The following CCDC7 variants were observed in gnomAD, a reference collection of about 807,000 sequenced individuals.
CCDC7 encodes coiled-coil domain containing 7.
In CCDC7, 183 loss-of-function variants were observed where a neutral mutation model predicts 196.9. The ratio of observed to expected loss-of-function variants is 0.93; its 90% CI spans 0.82 to 1.05. The LOEUF (loss-of-function observed/expected upper bound fraction) is 1.05. CCDC7 is among the 50% of genes least tolerant of loss of function. The pLI, the probability that CCDC7 is intolerant of heterozygous loss-of-function variation, is 0.00. For missense variants in CCDC7, 1,540 were observed against 1,482.2 expected (o/e 1.04, Z -0.64); for synonymous variants, 525 against 484.6 (o/e 1.08, Z -1.10).
In CCDC7 at chr10:32,563,933, A is replaced by T. The variant is rs572850936; in HGVS notation, c.1135-1625A>T. On this transcript the variant is annotated intron_variant, in intron 13 of 41. Coordinates refer to ENST00000639629, the Ensembl canonical transcript of CCDC7. ...AAGGGCTAATATCCAGAATCTACAAAGAACTCCAACAAATTTACAAGAAAA... is the reference window on the plus strand; with the variant it reads ...AAGGGCTAATATCCAGAATCTACAATGAACTCCAACAAATTTACAAGAAAA... Among the ~76,000 whole-genome samples, 52 of 152,194 alleles carry T rather than the reference A, an allele frequency of 3.4e-4. No homozygotes were observed. The East Asian group carries it at 5.6e-3, about 17-fold the overall frequency.
intron 41 of CCDC7, among the ~76,000 whole-genome samples, chr10:32,867,543 A>C (rs988522534): frequency 1.3e-5 from 2 of 151,362 alleles, no homozygotes; most frequent in Non-Finnish European, 3.0e-5. Flanking sequence ...AATTGATAGA[A>C]AAATCAAAAG....
intron 39 of CCDC7, among the ~76,000 whole-genome samples, chr10:32,849,701 C>CAAAAAAA (rs34677799): frequency 2.5e-5 from 2 of 80,810 alleles, no homozygotes; most frequent in Non-Finnish European, 4.6e-5. Context: ...GACTCCGTCT[C>CAAAAAAA]AAAAAAAAAA....
At chr10:32,565,563 A>G (rs1225858523) in exon 14 of CCDC7, 2 of 1,609,526 alleles carry the variant, frequency 1.2e-6, no homozygotes, top group African/African-American at 2.7e-5. Context: ...CCTAGAAAGT[A>G]GCACGTCTGG....
intron 41 of CCDC7, among the ~76,000 whole-genome samples, chr10:32,855,278 C>T (rs982427221): frequency 6.0e-5 from 9 of 150,974 alleles, no homozygotes; most frequent in Admixed American, 2.0e-4. Flanking sequence ...GGACCGGTTT[C>T]GTGGAAGACA....
At chr10:32,768,943 A>G (rs918507647) in intron 28 of CCDC7, among the ~76,000 whole-genome samples, 2 of 152,094 alleles carry the variant, frequency 1.3e-5, no homozygotes, top group Non-Finnish European at 2.9e-5. Flanking sequence ...GATTTTTTCA[A>G]CTATAATCAG....
At chr10:32,681,738 T>TAC (rs57829018) in intron 21 of CCDC7, among the ~76,000 whole-genome samples, 22,652 of 137,360 alleles carry the variant, frequency 0.16, 1,898 homozygotes, top group South Asian at 0.26. Flanking sequence ...TTTATATGTA[T>TAC]ACACACACAC....
intron 29 of CCDC7, among the ~76,000 whole-genome samples, chr10:32,786,744 G>C (rs2081952977): frequency 6.6e-6 from 1 of 152,050 alleles, no homozygotes; most frequent in South Asian, 2.1e-4. Context: ...CTGGGCAACA[G>C]AGTGAGACTC....
chr10:32,781,904 A>G (rs889601250), intron 29 of CCDC7, among the ~76,000 whole-genome samples: 11 of 152,240 alleles, frequency 7.2e-5, no homozygotes, highest in Non-Finnish European at 1.5e-4. Context: ...TCTTATATGA[A>G]GAAAACCCTA....
At chr10:32,867,662 A>G (rs142403968) in intron 41 of CCDC7, among the ~76,000 whole-genome samples, 3 of 151,884 alleles carry the variant, frequency 2.0e-5, no homozygotes, top group African/African-American at 4.8e-5. Context: ...ATTAAAATAG[A>G]AATAATAGTA....
At chr10:32,552,646 T>A (rs1273159463) in intron 13 of CCDC7, among the ~76,000 whole-genome samples, 2 of 152,216 alleles carry the variant, frequency 1.3e-5, no homozygotes, top group Non-Finnish European at 1.5e-5. Flanking sequence ...TTTGTTTGTC[T>A]GAAAAAGACT....
intron 32 of CCDC7, among the ~76,000 whole-genome samples, chr10:32,827,949 C>A (rs189075479): frequency 6.6e-6 from 1 of 152,236 alleles, no homozygotes; most frequent in East Asian, 1.9e-4. Flanking sequence ...TAAGTGCTTG[C>A]CATCTTTTAA....
chr10:32,714,830 A>G (rs2504344), intron 25 of CCDC7, among the ~76,000 whole-genome samples: 140,614 of 152,246 alleles, frequency 0.92, 65,923 homozygotes, highest in East Asian at 1. Flanking sequence ...AGCCACTGTA[A>G]CCAGGCTGTC....
At chr10:32,645,503 C>CTTTTTTTTTTTTTTTTTTTTTTTT (rs35170235) in intron 20 of CCDC7, among the ~76,000 whole-genome samples, 2 of 65,144 alleles carry the variant, frequency 3.1e-5, no homozygotes, top group Admixed American at 1.9e-4. Context: ...GAGTCCATGT[C>CTTTTTTTTTTTTTTTTTTTTTTTT]TTTTTTTTTT....
At chr10:32,564,411 A>T (rs895432481) in intron 13 of CCDC7, among the ~76,000 whole-genome samples, 7 of 152,212 alleles carry the variant, frequency 4.6e-5, no homozygotes, top group Admixed American at 4.6e-4. Flanking sequence ...CACATGTCCA[A>T]CAACGATAGA....
At chr10:32,549,282 T>G (rs2136277108) in intron 13 of CCDC7, among the ~76,000 whole-genome samples, 1 of 152,320 alleles carries the variant, frequency 6.6e-6, no homozygotes, top group Non-Finnish European at 1.5e-5. Flanking sequence ...CTTATTGATT[T>G]GTTTGAGTTC....
chr10:32,718,105 C>T (rs1165853949), intron 25 of CCDC7, among the ~76,000 whole-genome samples: 1 of 152,224 alleles, frequency 6.6e-6, no homozygotes, highest in East Asian at 1.9e-4. Context: ...GGCCAATATC[C>T]CTGATGAACA....
At chr10:32,760,621 G>A (rs1049684207) in intron 28 of CCDC7, among the ~76,000 whole-genome samples, 3 of 152,074 alleles carry the variant, frequency 2.0e-5, no homozygotes, top group Non-Finnish European at 4.4e-5. Flanking sequence ...GGGAGGGATA[G>A]CATTAGGAGA....
At chr10:32,549,473 C>T (rs913373957) in intron 13 of CCDC7, among the ~76,000 whole-genome samples, 2 of 152,118 alleles carry the variant, frequency 1.3e-5, no homozygotes, top group Admixed American at 6.5e-5. Flanking sequence ...GGTTCCTGGT[C>T]ATGAAATCCT....
At chr10:32,683,889 A>G (rs2076155963) in intron 21 of CCDC7, among the ~76,000 whole-genome samples, 1 of 152,244 alleles carries the variant, frequency 6.6e-6, no homozygotes, top group South Asian at 2.1e-4. Flanking sequence ...CATGAAAAGC[A>G]GTGTGGCTGT....
Sources: gnomAD v4.1 joint callset for allele counts (sites outside exome capture counted in the v4.1 genomes callset) on GRCh38, gnomAD v4.1.1 for gene constraint, MANE v1.5 for transcripts, NCBI Gene and HGNC (gene_info 2026-07-23, HGNC 2026-07-21) for gene names.